Variants in COG4 observed in about 807,000 individuals in gnomAD.
COG4 encodes the protein component of oligomeric golgi complex 4, also known as conserved oligomeric Golgi complex subunit 4.
A neutral mutation model predicts 95.1 loss-of-function variants in COG4; 65 were observed. The observed-to-expected ratio is 0.68, with a 90% confidence interval of 0.56 to 0.84. COG4 has a LOEUF of 0.84. Among genes scored for constraint, COG4 ranks in the 40% least tolerant of loss-of-function variants. The pLI is 0.00. For synonymous variants in COG4, 421 were observed against 374.8 expected (o/e 1.12, Z -1.42); for missense variants, 1,045 against 989.1 (o/e 1.06, Z -0.76).
At chr16:70,494,911 T>C (rs977645342) in intron 12 of COG4, among the ~76,000 whole-genome samples, 1 of 152,140 alleles carries the variant, frequency 6.6e-6, no homozygotes, top group African/African-American at 2.4e-5. Flanking sequence ...ACAGAAACCA[T>C]ACACAGGGCA....
At chr16:70,522,530 G>C (rs2049970802) in intron 1 of COG4, among the ~76,000 whole-genome samples, 1 of 152,178 alleles carries the variant, frequency 6.6e-6, no homozygotes, top group Non-Finnish European at 1.5e-5. Flanking sequence ...GTTAGTGCAA[G>C]TTTATACTTG....
At chr16:70,495,488 G>C (rs2049323016) in intron 12 of COG4, among the ~76,000 whole-genome samples, 1 of 151,938 alleles carries the variant, frequency 6.6e-6, no homozygotes, top group African/African-American at 2.4e-5. Context: ...AACCCCACTT[G>C]TGGGCTACAG....
Position 70,499,140 on chromosome 16 carries a change from C to T in COG4, c.1196-1085G>A, listed in dbSNP as rs150101234. On this transcript the variant is annotated intron_variant, in intron 9 of 18. Transcript: ENST00000323786. ...CATTAGCCATGTTAGCGATTGAGCA[C>T]TTGAAATGTGATGAACATAACTTAG... Among the ~76,000 whole-genome samples the T allele has an allele frequency of 5.9e-5, 9 of 152,040 alleles. 1 individual carries two copies. The highest frequency in any genetic ancestry group is 2.2e-4 in the African/African-American group (9 of 41,454).
At chr16:70,520,586 C>T (rs535000176) in intron 1 of COG4, among the ~76,000 whole-genome samples, 10 of 151,190 alleles carry the variant, frequency 6.6e-5, no homozygotes, top group South Asian at 6.2e-4. Flanking sequence ...GAGCCGAGAT[C>T]GTGCCATTTC....
At chr16:70,509,684 A>G (rs764567313) in intron 6 of COG4, among the ~76,000 whole-genome samples, 17 of 152,220 alleles carry the variant, frequency 1.1e-4, no homozygotes, top group South Asian at 4.1e-4. Flanking sequence ...GGTTAAATTT[A>G]TTCGTACAGA....
chr16:70,500,967 C>G lies in COG4; in HGVS notation c.1186G>C (p.Val396Leu), dbSNP rs1458925567. 1 of 1,614,056 alleles carries G rather than the reference C, an allele frequency of 6.2e-7. No homozygotes were observed. Among genetic ancestry groups the G allele is most frequent in the Non-Finnish European group, 8.5e-7 (1 of 1,180,042 alleles). ...TGGGAAACGTTTTTACCTTGCTTTACTTCCTCTGAGGCCATGGAGTCTCCC... is the reference window on the plus strand; with the variant it reads ...TGGGAAACGTTTTTACCTTGCTTTAGTTCCTCTGAGGCCATGGAGTCTCCC... ...EVGDSMASEE[V>L]KQEHQKCLDK... Residue 396 changes from valine (V) to leucine (L), a missense_variant, in exon 9 of 19, where the codon GTA becomes CTA. Physicochemically the swap from Val to Leu is conservative, Grantham distance 32. Coordinates refer to ENST00000323786, the MANE Select transcript of COG4 (RefSeq NM_015386.3).
chr16:70,511,095 T>C (rs2049694244), intron 5 of COG4, among the ~76,000 whole-genome samples: 1 of 152,152 alleles, frequency 6.6e-6, no homozygotes, highest in Non-Finnish European at 1.5e-5. Flanking sequence ...CTTTTTAGAA[T>C]GAGTAAAATG....
intron 11 of COG4, 64 bp from the exon 12 acceptor site, chr16:70,496,495 C>A (rs902785478): frequency 6.6e-7 from 1 of 1,514,338 alleles, no homozygotes; most frequent in African/African-American, 1.4e-5. Context: ...ACAGAAGGGC[C>A]AGTCTTCACC....
Position 70,501,047 on chromosome 16 carries a change from C to T in COG4, c.1106G>A (p.Arg369His), listed in dbSNP as rs146268306. Reference sequence around the variant, plus strand: ...GAGGAAGCGTAAGTATAGCTCACTGCGGGCATTCATCAGGGTGACCTCAGT... The same window carrying T: ...GAGGAAGCGTAAGTATAGCTCACTGTGGGCATTCATCAGGGTGACCTCAGT... ...ILTEVTLMNA[R>H]SELYLRFLKK... The change falls in exon 9 of 19, where the codon CGC becomes CAC. Residue 369 changes from arginine to histidine, a missense_variant. Transcript: ENST00000323786. 170 of 1,613,854 alleles carry T rather than the reference C, an allele frequency of 1.1e-4. 1 individual carries two copies. The highest frequency in any genetic ancestry group is 2.0e-4 in the East Asian group (9 of 44,886).
At chr16:70,504,487 A>G (rs2049518128) in intron 8 of COG4, among the ~76,000 whole-genome samples, 1 of 151,980 alleles carries the variant, frequency 6.6e-6, no homozygotes, top group African/African-American at 2.4e-5. Flanking sequence ...AGTGCCTGTA[A>G]GCTCAGCTAC....
chr16:70,498,400 C>CTCACCGCAACCCCTGCCTCCCAGGT (rs1453470042), intron 9 of COG4, among the ~76,000 whole-genome samples: 2 of 151,778 alleles, frequency 1.3e-5, no homozygotes, highest in African/African-American at 4.8e-5. Flanking sequence ...GTGATCTTGG[C>CTCACCGCAACCCCTGCCTCCCAGGT]TCACCGCAAC....
At chr16:70,508,281 AAAAT>A in intron 8 of COG4, 121 bp downstream of exon 8, 1 of 835,248 alleles carries the variant, frequency 1.2e-6, no homozygotes, top group Non-Finnish European at 2.0e-6. Context: ...ATTGCACTGA[AAAAT>A]AAGAGTAATT....
At chr16:70,488,937 C>T (rs2049189129) in intron 13 of COG4, among the ~76,000 whole-genome samples, 2 of 152,232 alleles carry the variant, frequency 1.3e-5, no homozygotes, top group South Asian at 2.1e-4. Flanking sequence ...TTACCACATT[C>T]CTCTCATAAC....
In COG4 at chr16:70,482,260, T is replaced by C. The variant is rs139390189; in HGVS notation, c.1921-85A>G. 653 of 896,942 alleles carry C rather than the reference T, an allele frequency of 7.3e-4. 3 individuals carry two copies. Among genetic ancestry groups the C allele is most frequent in the Middle Eastern group, 4.9e-3 (23 of 4,702 alleles). 55.6% of individuals were successfully genotyped at this position (896,942 alleles called of 1,614,324 possible). A position where few individuals can be genotyped will look rare whatever the true frequency, so the allele number is the denominator to read the frequency against. ...ACCCACCTCTATCCCTCTAAGAAAA[T>C]AATGTAAAACATTCTTCCTTCCCTG... On this transcript the variant is annotated intron_variant, in intron 15 of 18. Coordinates refer to ENST00000323786, the MANE Select transcript of COG4 (RefSeq NM_015386.3).
At chr16:70,517,351 C>T (rs906963708) in intron 3 of COG4, among the ~76,000 whole-genome samples, 1 of 151,556 alleles carries the variant, frequency 6.6e-6, no homozygotes, top group Non-Finnish European at 1.5e-5. Context: ...GCTAACATGG[C>T]GAAAGGTGGA....
At chr16:70,508,336 T>C (rs1455077770) in intron 8 of COG4, 70 bp downstream of exon 8, 4 of 1,228,438 alleles carry the variant, frequency 3.3e-6, no homozygotes, top group African/African-American at 1.5e-5. Flanking sequence ...TGTAACAGAG[T>C]AGTCTGAATT....
At chr16:70,482,683 G>A in intron 15 of COG4, 46 bp downstream of exon 15, 7 of 1,487,916 alleles carry the variant, frequency 4.7e-6, no homozygotes, top group Non-Finnish European at 5.6e-6. Context: ...TGGGGCTAGG[G>A]ATGAGGGGTC....
At chr16:70,504,797 G>C (rs11075765) in intron 8 of COG4, among the ~76,000 whole-genome samples, 12,268 of 151,328 alleles carry the variant, frequency 0.081, 598 homozygotes, top group Middle Eastern at 0.21. Context: ...TGTAATCCCA[G>C]CTACTTGGGA....
intron 5 of COG4, among the ~76,000 whole-genome samples, chr16:70,511,462 C>T (rs2049703062): frequency 6.6e-6 from 1 of 151,764 alleles, no homozygotes; most frequent in Non-Finnish European, 1.5e-5. Context: ...GGGTGGTAGT[C>T]CCAGGACTTT....
Sources: gnomAD v4.1 joint callset for allele counts (sites outside exome capture counted in the v4.1 genomes callset) on GRCh38, gnomAD v4.1.1 for gene constraint, MANE v1.5 for transcripts, NCBI Gene and HGNC (gene_info 2026-07-23, HGNC 2026-07-21) for gene names.